Variants in MAP2K5 observed in about 807,000 individuals in gnomAD.
MAP2K5 encodes dual specificity mitogen-activated protein kinase kinase 5.
A neutral mutation model predicts 83.1 loss-of-function variants in MAP2K5; 49 were observed. The observed-to-expected ratio is 0.59, with a 90% CI of 0.47 to 0.75. The LOEUF is 0.75. MAP2K5 is among the 30% of genes least tolerant of loss of function. The pLI, the probability that MAP2K5 is intolerant of heterozygous loss-of-function variation, is 0.00. For synonymous variants in MAP2K5, 202 were observed against 191.8 expected (o/e 1.05, Z -0.44); for missense variants, 457 against 557.5 (o/e 0.82, Z 1.82).
rs1317780182 is a variant in MAP2K5, at chr15:67,550,075, A to G, written c.177A>G (p.Ala59=). ...TTCTGCCTGAAGCAACAACTACAGCATTTGAATGTAAGTCTGGCTTGTATA... is the reference window on the plus strand; with the variant it reads ...TTCTGCCTGAAGCAACAACTACAGCGTTTGAATGTAAGTCTGGCTTGTATA... ...GQVLPEATTT[A]FEYEDEDGDR... The change falls in exon 2 of 22, where the codon GCA becomes GCG. Residue 59 remains alanine (A), a synonymous_variant. Coordinates refer to ENST00000178640, the MANE Select transcript of MAP2K5 (RefSeq NM_145160.3). The G allele has an allele frequency of 1.2e-6, 2 of 1,613,514 alleles. No homozygotes were observed. Among genetic ancestry groups the G allele is most frequent in the Middle Eastern group, 1.7e-4 (1 of 6,056 alleles).
Position 67,769,731 on chromosome 15 carries a change from G to T in MAP2K5, c.1196+68G>T. 6.6e-7 allele frequency: 1 copy of T among 1,505,586 alleles called. No individual in the cohort carries two copies. Among genetic ancestry groups the T allele is most frequent in the Non-Finnish European group, 9.2e-7 (1 of 1,084,862 alleles). 93.3% of individuals were successfully genotyped at this position (1,505,586 alleles called of 1,614,324 possible). On this transcript the variant is annotated intron_variant, in intron 20 of 21. Coordinates refer to ENST00000178640, the MANE Select transcript of MAP2K5 (RefSeq NM_145160.3). The surrounding 1 kb of genome is among the most constrained non-coding windows in gnomAD (Gnocchi z 5.2). ...TACATGCCATTAACTCGGCAGCTCC[G>T]TGAGACCTTATGGCTCTCCCTGCAT...
At position 67,734,533 on chromosome 15, in the gene MAP2K5, A is replaced by G. The variant is rs141095781; in HGVS notation, c.1074+6588A>G. ...TTTCAAATGCTAATGTTGAAGTACTAGAGTTTTTACACTTAATTTTATTTG... is the reference window on the plus strand; with the variant it reads ...TTTCAAATGCTAATGTTGAAGTACTGGAGTTTTTACACTTAATTTTATTTG... On this transcript the variant is annotated intron_variant, in intron 17 of 21. Transcript: ENST00000178640. 8.5e-5 allele frequency among the ~76,000 whole-genome samples: 13 copies of G among 152,334 alleles called. No individual in the cohort carries two copies. The East Asian group carries it at 1.9e-3, about 23-fold the overall frequency.
rs755427339 is a variant in MAP2K5, at chr15:67,768,535, C to T, written c.1135-1067C>T. On this transcript the variant is annotated intron_variant, in intron 19 of 21. Coordinates refer to ENST00000178640, the MANE Select transcript of MAP2K5 (RefSeq NM_145160.3). The surrounding 1 kb of genome is among the most constrained non-coding windows in gnomAD (Gnocchi z 4.0). ...GCTCATCCAAATGGCCAAAGCACTC[C>T]AAAGCACAGTGAGATTAAAATAAGT... Among the ~76,000 whole-genome samples the T allele has an allele frequency of 6.6e-6, 1 of 152,134 alleles. No individual in the cohort carries two copies. The highest frequency in any genetic ancestry group is 1.5e-5 in the Non-Finnish European group (1 of 68,018).
At chr15:67,661,900 T>G (rs2087246775) in intron 12 of MAP2K5, among the ~76,000 whole-genome samples, 1 of 152,134 alleles carries the variant, frequency 6.6e-6, no homozygotes, top group African/African-American at 2.4e-5. Flanking sequence ...AAAATTGTTA[T>G]CGTTATGGAT....
intron 13 of MAP2K5, 149 bp from the exon 14 acceptor site, chr15:67,692,330 A>T (rs2088134341): frequency 1.8e-6 from 1 of 554,484 alleles, no homozygotes; most frequent in Non-Finnish European, 3.3e-6. Context: ...TTAAAAAAAA[A>T]TGCTTTTCAT....
rs987716606 is a variant in MAP2K5, at chr15:67,677,349, A to G, written c.847+12704A>G. Among the ~76,000 whole-genome samples, 2 of 152,220 alleles carry G rather than the reference A, an allele frequency of 1.3e-5. No homozygotes were observed. The highest frequency in any genetic ancestry group is 2.9e-5 in the Non-Finnish European group (2 of 68,044). On this transcript the variant is annotated intron_variant, in intron 13 of 21. Transcript: ENST00000178640. The surrounding 1 kb of genome is among the most constrained non-coding windows in gnomAD (Gnocchi z 4.2). ...TAAAATGGGGTTAATAATAGTACCTATCTCAAGGGTTACAATGAGAATTAA... is the reference window on the plus strand; with the variant it reads ...TAAAATGGGGTTAATAATAGTACCTGTCTCAAGGGTTACAATGAGAATTAA...
intron 1 of MAP2K5, chr15:67,546,225 G>T (rs372293991): frequency 1.3e-5 from 2 of 152,304 alleles, no homozygotes; most frequent in African/African-American, 4.8e-5. Flanking sequence ...CAAGAGACAC[G>T]TCAGCATCTC....
At chr15:67,633,251 C>T (rs2086516399) in intron 9 of MAP2K5, among the ~76,000 whole-genome samples, 1 of 152,188 alleles carries the variant, frequency 6.6e-6, no homozygotes, top group Admixed American at 6.5e-5. Flanking sequence ...ACTATTTTCC[C>T]ATCCATTGAG....
At position 67,738,522 on chromosome 15, in the gene MAP2K5, G is replaced by A. The variant is rs1047867684; in HGVS notation, c.1075-9709G>A. On this transcript the variant is annotated intron_variant, in intron 17 of 21. Coordinates refer to ENST00000178640, the MANE Select transcript of MAP2K5 (RefSeq NM_145160.3). This position sits in a 1 kb window ranked among gnomAD's most constrained non-coding sequence, Gnocchi z 4.1. Reference sequence around the variant, plus strand: ...GTATATGATTTCTACCCAAACATACGCACAGAGCTAACCTGAGTTCTGGTC... The same window carrying A: ...GTATATGATTTCTACCCAAACATACACACAGAGCTAACCTGAGTTCTGGTC... Among the ~76,000 whole-genome samples, 2 of 152,188 alleles carry A rather than the reference G, an allele frequency of 1.3e-5. No individual in the cohort carries two copies. Among genetic ancestry groups the A allele is most frequent in the African/African-American group, 2.4e-5 (1 of 41,458 alleles).
intron 1 of MAP2K5, among the ~76,000 whole-genome samples, chr15:67,549,489 G>T (rs2084465584): frequency 6.6e-6 from 1 of 152,206 alleles, no homozygotes; most frequent in Non-Finnish European, 1.5e-5. Context: ...GAGGCACAGT[G>T]TTGCTTGTTG....
At chr15:67,726,205 T>TA (rs1231550394) in intron 16 of MAP2K5, among the ~76,000 whole-genome samples, 2 of 152,200 alleles carry the variant, frequency 1.3e-5, no homozygotes, top group East Asian at 1.9e-4. Flanking sequence ...TATATACACA[T>TA]ACACACAAGC....
intron 2 of MAP2K5, among the ~76,000 whole-genome samples, chr15:67,560,948 G>A (rs1460481347): frequency 1.3e-5 from 2 of 151,938 alleles, no homozygotes; most frequent in African/African-American, 2.4e-5. Flanking sequence ...GTTTTCACTC[G>A]TTTTACCAAA....
chr15:67,688,416 TTAG>T (rs1311992982), intron 13 of MAP2K5, among the ~76,000 whole-genome samples: 1 of 152,216 alleles, frequency 6.6e-6, no homozygotes, highest in Non-Finnish European at 1.5e-5. Flanking sequence ...GGAAACCAGC[TTAG>T]TAGCATTGTT....
intron 8 of MAP2K5, among the ~76,000 whole-genome samples, chr15:67,605,987 A>G (rs1210606723): frequency 1.3e-5 from 2 of 152,240 alleles, no homozygotes; most frequent in African/African-American, 4.8e-5. Context: ...TTCAGTGCTT[A>G]GTATCTGTTG....
intron 21 of MAP2K5, among the ~76,000 whole-genome samples, chr15:67,800,995 T>C (rs2090696331): frequency 6.6e-6 from 1 of 152,222 alleles, no homozygotes; most frequent in Non-Finnish European, 1.5e-5. Flanking sequence ...GTTATTTTTT[T>C]AAATCCGTTT....
intron 11 of MAP2K5, among the ~76,000 whole-genome samples, chr15:67,657,867 C>T (rs575680226): frequency 2.0e-5 from 3 of 151,918 alleles, no homozygotes; most frequent in Non-Finnish European, 4.4e-5. Flanking sequence ...TGAAAATATT[C>T]ACATTTGCAT....
At chr15:67,614,418 G>C (rs1461394142) in intron 8 of MAP2K5, among the ~76,000 whole-genome samples, 1 of 152,186 alleles carries the variant, frequency 6.6e-6, no homozygotes, top group South Asian at 2.1e-4. Context: ...TGTGAGCAAA[G>C]ATTAGATGGT....
In MAP2K5 at chr15:67,770,508, G is replaced by A. The variant is rs973562827; in HGVS notation, c.1196+845G>A. 6.6e-6 allele frequency among the ~76,000 whole-genome samples: 1 copy of A among 152,156 alleles called. No individual in the cohort carries two copies. The highest frequency in any genetic ancestry group is 1.5e-5 in the Non-Finnish European group (1 of 68,028). ...AGGAATCATTGTCCTCAAAGCAGGA[G>A]ACAAAACCAACCGCAACTCCTTCTT... is the stretch of plus-strand genomic sequence containing the variant. On this transcript the variant is annotated intron_variant, in intron 20 of 21. Coordinates refer to ENST00000178640, the MANE Select transcript of MAP2K5 (RefSeq NM_145160.3). This position sits in a 1 kb window ranked among gnomAD's most constrained non-coding sequence, Gnocchi z 5.0.
Position 67,692,517 on chromosome 15 carries a change from C to G in MAP2K5, c.886C>G (p.Gln296Glu), listed in dbSNP as rs1271491284. ...PSNMLVNTRG[Q>E]VKLCDFGVST... ...CAATATGCTAGTAAACACAAGAGGA[C>G]AGGTTAAGCTGTGTGATTTTGGAGT... Residue 296 changes from glutamine to glutamate, a missense_variant, in exon 14 of 22, where the codon CAG (glutamine) becomes GAG (glutamate). Physicochemically the swap from Gln to Glu is conservative, Grantham distance 29. Around this residue, in one of 3 missense-constraint regions of MAP2K5, gnomAD observed 168 missense variants for 263.0 expected, o/e 0.64. Transcript: ENST00000178640. 3 of 1,613,514 alleles carry G rather than the reference C, an allele frequency of 1.9e-6. No homozygotes were observed. The highest frequency in any genetic ancestry group is 2.5e-6 in the Non-Finnish European group (3 of 1,179,692).
Sources: allele counts gnomAD v4.1 joint callset (sites outside exome capture counted in the v4.1 genomes callset), GRCh38; gene constraint gnomAD v4.1.1; regional missense constraint gnomAD v4.1.1; non-coding constraint Gnocchi (gnomAD v3.1); transcripts MANE v1.5; gene names NCBI Gene and HGNC (gene_info 2026-07-23, HGNC 2026-07-21).